Variants in CSMD1 observed in about 807,000 individuals in gnomAD.
The protein encoded by CSMD1 is CUB and Sushi multiple domains 1.
In CSMD1, 213 loss-of-function variants were observed where a neutral mutation model predicts 417.5. That is an observed-to-expected ratio of 0.51 (90% CI 0.46 to 0.57). CSMD1 has a LOEUF of 0.57. CSMD1 is among the 20% of genes least tolerant of loss of function. The pLI is 0.00. For missense variants in CSMD1, 6,923 were observed against 4,529.7 expected, an observed-to-expected ratio of 1.53 and a Z score of -15.17; for synonymous variants, 2,862 against 1,736.8, an observed-to-expected ratio of 1.65 and a Z score of -16.11.
rs777514021 is a variant in CSMD1 at position 3,223,746 on chromosome 8, G to A, written c.4467C>T (p.Ile1489=). 1.2e-4 allele frequency: 186 copies of A among 1,613,714 alleles called. No individual in the cohort carries two copies. The highest frequency in any genetic ancestry group is 1.4e-4 in the Non-Finnish European group (164 of 1,179,782). ...GACGGTACCTTTTGAATATCAAGGC[G>A]ATGACAAAGTCCGGGTTCACTTTTA... ...WRVKVNPDFV[I]ALIFKSFNME... is the part of the protein sequence containing the mutation. The change falls in exon 28 of 70, where the codon ATC becomes ATT. Residue 1489 remains isoleucine (I), a synonymous_variant. Coordinates refer to ENST00000635120, the MANE Select transcript of CSMD1 (RefSeq NM_033225.6).
chr8:4,393,771 A>G (rs1804020103), intron 3 of CSMD1, among the ~76,000 whole-genome samples: 1 of 152,198 alleles, frequency 6.6e-6, no homozygotes. Flanking sequence ...AAAAACAGAA[A>G]AAGCTGCAAT....
At chr8:4,585,947 G>A (rs1417627189) in intron 2 of CSMD1, among the ~76,000 whole-genome samples, 6 of 152,016 alleles carry the variant, frequency 3.9e-5, no homozygotes, top group African/African-American at 1.2e-4. Context: ...TTGATTTGTG[G>A]GATTTAATAT....
intron 3 of CSMD1, among the ~76,000 whole-genome samples, chr8:4,083,084 T>G (rs980722203): frequency 6.6e-6 from 1 of 152,090 alleles, no homozygotes; most frequent in Admixed American, 6.5e-5. Context: ...TACATGTGCA[T>G]GTTTCTTTAT....
chr8:3,384,737 TATAA>T (rs1284951944), intron 18 of CSMD1, among the ~76,000 whole-genome samples: 6 of 123,770 alleles, frequency 4.8e-5, no homozygotes, highest in African/African-American at 1.5e-4. Flanking sequence ...ATATATATTA[TATAA>T]ATATATATTT....
chr8:4,024,376 G>C (rs1004339273), intron 4 of CSMD1, among the ~76,000 whole-genome samples: 2 of 152,170 alleles, frequency 1.3e-5, no homozygotes, highest in African/African-American at 2.4e-5. Context: ...TAAGAGTATG[G>C]ATACGCTGAT....
At chr8:3,951,952 T>G (rs1029366272) in intron 5 of CSMD1, among the ~76,000 whole-genome samples, 11 of 152,170 alleles carry the variant, frequency 7.2e-5, no homozygotes, top group African/African-American at 2.6e-4. Flanking sequence ...AATACATAAT[T>G]ATGAAAGTAA....
intron 24 of CSMD1, 55 bp downstream of exon 24, chr8:3,308,257 G>C: frequency 7.2e-7 from 1 of 1,391,092 alleles, no homozygotes; most frequent in Non-Finnish European, 9.9e-7. Context: ...GCAACATGGT[G>C]CAAGCACCCT....
At chr8:3,924,925 AT>A (rs933971521) in intron 5 of CSMD1, among the ~76,000 whole-genome samples, 1 of 151,774 alleles carries the variant, frequency 6.6e-6, no homozygotes, top group Admixed American at 6.6e-5. Context: ...TATTTCCTTT[AT>A]TTTTTTCTCT....
chr8:4,045,185 G>A (rs531170503), intron 3 of CSMD1, among the ~76,000 whole-genome samples: 4 of 152,238 alleles, frequency 2.6e-5, no homozygotes, highest in South Asian at 2.1e-4. Flanking sequence ...GGGTGCTGAG[G>A]TACTCATCTC....
intron 15 of CSMD1, among the ~76,000 whole-genome samples, chr8:3,400,693 G>A (rs910240093): frequency 1.3e-5 from 2 of 151,958 alleles, no homozygotes; most frequent in East Asian, 1.9e-4. Context: ...TTGTCCATCT[G>A]TTATAAATGT....
At chr8:3,440,529 G>C (rs775450667) in intron 12 of CSMD1, among the ~76,000 whole-genome samples, 1 of 152,116 alleles carries the variant, frequency 6.6e-6, no homozygotes, top group African/African-American at 2.4e-5. Context: ...TGGGTTCTTG[G>C]CTCTAAGAGT....
intron 41 of CSMD1, among the ~76,000 whole-genome samples, chr8:3,138,877 A>T (rs1364781100): frequency 6.6e-6 from 1 of 152,210 alleles, no homozygotes; most frequent in Admixed American, 6.5e-5. Flanking sequence ...AAACGCTTTC[A>T]TCACAAAAGG....
At chr8:3,135,829 T>A (rs556675345) in intron 41 of CSMD1, among the ~76,000 whole-genome samples, 2 of 152,208 alleles carry the variant, frequency 1.3e-5, no homozygotes, top group African/African-American at 4.8e-5. Context: ...TGTTTAGCAA[T>A]TGCAGTAGGA....
At chr8:3,366,148 T>G (rs1047083163) in intron 20 of CSMD1, among the ~76,000 whole-genome samples, 13 of 152,278 alleles carry the variant, frequency 8.5e-5, no homozygotes, top group Non-Finnish European at 1.3e-4. Context: ...AGGAAAACCC[T>G]CTTCGTCCAA....
intron 3 of CSMD1, among the ~76,000 whole-genome samples, chr8:4,178,043 A>C (rs1700116): frequency 0.98 from 149,563 of 152,254 alleles, 73,511 homozygotes; most frequent in Middle Eastern, 1. Flanking sequence ...CTATTCCAAT[A>C]AATAGAAAAA....
intron 1 of CSMD1, among the ~76,000 whole-genome samples, chr8:4,804,931 G>A (rs1351530881): frequency 6.6e-6 from 1 of 152,100 alleles, no homozygotes; most frequent in Non-Finnish European, 1.5e-5. Context: ...ACTTAAAGCG[G>A]TTTACTTAAC....
At position 3,697,503 on chromosome 8, in the gene CSMD1, G is replaced by T. The variant is rs552892422; in HGVS notation, c.1009+10911C>A. ...TAAAATGGAATTCTTTAATTGATAA[G>T]AAAGCTTCATTGATTAGTTTTTAAA... On this transcript the variant is annotated intron_variant, in intron 7 of 69. Coordinates refer to ENST00000635120, the MANE Select transcript of CSMD1 (RefSeq NM_033225.6). Among the ~76,000 whole-genome samples the T allele has an allele frequency of 2.0e-4, 30 of 152,270 alleles. No individual in the cohort carries two copies. In the South Asian group the frequency reaches 6.0e-3, roughly 31 times the overall value.
intron 3 of CSMD1, among the ~76,000 whole-genome samples, chr8:4,044,266 A>T (rs1277851011): frequency 6.6e-6 from 1 of 152,238 alleles, no homozygotes; most frequent in Non-Finnish European, 1.5e-5. Flanking sequence ...CAAATTAAAA[A>T]ATATAAAAAT....
intron 12 of CSMD1, among the ~76,000 whole-genome samples, chr8:3,452,591 T>C (rs1815812999): frequency 6.6e-6 from 1 of 152,218 alleles, no homozygotes; most frequent in Non-Finnish European, 1.5e-5. Flanking sequence ...GTTTTTGTCA[T>C]TGGTTCTGTT....
Sources: gnomAD v4.1 joint callset for allele counts (sites outside exome capture counted in the v4.1 genomes callset) on GRCh38, gnomAD v4.1.1 for gene constraint, MANE v1.5 for transcripts, NCBI Gene and HGNC (gene_info 2026-07-23, HGNC 2026-07-21) for gene names.